VWA8: variants seen among roughly 807,000 people sequenced by gnomAD.
VWA8 encodes von Willebrand factor A domain containing 8, also known as von Willebrand factor A domain-containing protein 8.
Under a neutral mutation model 241.5 loss-of-function variants are expected in VWA8, and 221 were observed. That is an observed-to-expected ratio of 0.91 (90% CI 0.82 to 1.02). The LOEUF (loss-of-function observed/expected upper bound fraction) is 1.02, where lower values mean the gene tolerates loss of function less well. Ranked by LOEUF, VWA8 falls within the 50% of genes least tolerant of loss-of-function variation. The pLI is 0.00. For missense variants in VWA8, 2,322 were observed against 2,328.7 expected (o/e 1.00, Z 0.06); for synonymous variants, 852 against 827.1 (o/e 1.03, Z -0.52).
At chr13:41,573,609 G>C (rs56841784) in intron 43 of VWA8, among the ~76,000 whole-genome samples, 1 of 105,656 alleles carries the variant, frequency 9.5e-6, no homozygotes, top group Non-Finnish European at 1.9e-5. Context: ...CTATATATAC[G>C]CATATATATG....
chr13:41,888,194 C>G (rs1874640074), intron 5 of VWA8, among the ~76,000 whole-genome samples: 1 of 152,160 alleles, frequency 6.6e-6, no homozygotes, highest in African/African-American at 2.4e-5. Context: ...CCTGTTAAAT[C>G]TCATTTCCTT....
chr13:41,901,270 C>G (rs1875412365), intron 4 of VWA8, among the ~76,000 whole-genome samples: 1 of 152,098 alleles, frequency 6.6e-6, no homozygotes, highest in Admixed American at 6.5e-5. Flanking sequence ...AGCCACTGCA[C>G]TCAGCTCATC....
At chr13:41,779,924 C>T (rs1414069887) in intron 19 of VWA8, among the ~76,000 whole-genome samples, 1 of 152,190 alleles carries the variant, frequency 6.6e-6, no homozygotes, top group East Asian at 1.9e-4. Flanking sequence ...ACCGCCAATA[C>T]AATTCTCTTC....
At chr13:41,588,490 G>A (rs2044433524) in intron 41 of VWA8, among the ~76,000 whole-genome samples, 1 of 152,190 alleles carries the variant, frequency 6.6e-6, no homozygotes, top group African/African-American at 2.4e-5. Flanking sequence ...GGAGGCCAAG[G>A]TGGGAGAACT....
intron 12 of VWA8, among the ~76,000 whole-genome samples, chr13:41,855,433 A>G (rs1872709937): frequency 6.7e-6 from 1 of 148,504 alleles, no homozygotes; most frequent in Admixed American, 6.8e-5. Flanking sequence ...AAATAAAGCT[A>G]CTGTAGAAGA....
intron 19 of VWA8, among the ~76,000 whole-genome samples, chr13:41,781,624 C>T (rs1237405087): frequency 6.6e-6 from 1 of 152,190 alleles, no homozygotes; most frequent in East Asian, 1.9e-4. Flanking sequence ...TCTTACCCAT[C>T]TAAAACTCCT....
At chr13:41,889,437 G>A (rs1874714475) in intron 5 of VWA8, among the ~76,000 whole-genome samples, 1 of 151,328 alleles carries the variant, frequency 6.6e-6, no homozygotes, top group African/African-American at 2.4e-5. Flanking sequence ...GGAGTGCAGT[G>A]GTGCAATCCT....
intron 4 of VWA8, among the ~76,000 whole-genome samples, chr13:41,904,702 T>C (rs1394473743): frequency 6.6e-6 from 1 of 152,132 alleles, no homozygotes; most frequent in Non-Finnish European, 1.5e-5. Context: ...GTAGCCTAAA[T>C]CTTCACATAA....
At chr13:41,820,464 C>T (rs1039443316) in intron 14 of VWA8, among the ~76,000 whole-genome samples, 14 of 152,060 alleles carry the variant, frequency 9.2e-5, no homozygotes, top group Admixed American at 3.3e-4. Context: ...AAGTCCCTGA[C>T]GGCATGATCT....
chr13:41,672,332 G>C (rs1291748936), intron 36 of VWA8, among the ~76,000 whole-genome samples: 1 of 152,020 alleles, frequency 6.6e-6, no homozygotes, highest in Non-Finnish European at 1.5e-5. Context: ...GTAATTTCTA[G>C]GAAAGCAAAT....
chr13:41,868,301 C>T, intron 10 of VWA8, 45 bp downstream of exon 10: 1 of 1,604,412 alleles, frequency 6.2e-7, no homozygotes, highest in Non-Finnish European at 8.5e-7. Flanking sequence ...TAAAAACAGG[C>T]AGAATAAGGT....
rs1402616404 is a variant in VWA8, at chr13:41,664,261, A to G, written c.4611+6685T>C. Among the ~76,000 whole-genome samples the G allele has an allele frequency of 2.0e-5, 3 of 152,090 alleles. No individual in the cohort carries two copies. In the East Asian group the frequency reaches 5.8e-4, roughly 29 times the overall value. ...TCTTTAGTTTCCAATGCTGCTTTGG[A>G]GAAACCCAGTGCCATTAGGATTTCT... On this transcript the variant is annotated intron_variant, in intron 37 of 44. Transcript: ENST00000379310.
chr13:41,961,030 T>C lies in VWA8; in HGVS notation c.-15A>G, dbSNP rs1878594630. The stretch of plus-strand genomic sequence containing the variant: ...CGGGATTGCATGGCGCCGGGGGGGC[T>C]GTCGGGGACGGCGAGGGGGCTCGGG... On this transcript the variant is annotated 5_prime_UTR_variant, in exon 1 of 45. Transcript: ENST00000379310. The C allele has an allele frequency of 8.1e-6, 11 of 1,351,892 alleles. No homozygotes were observed. The highest frequency in any genetic ancestry group is 1.5e-5 in the African/African-American group (1 of 64,742). 83.7% of individuals were successfully genotyped at this position (1,351,892 alleles called of 1,614,324 possible). A position where few individuals can be genotyped will look rare whatever the true frequency, so the allele number is the denominator to read the frequency against.
chr13:41,829,970 C>T (rs943106782), intron 14 of VWA8, among the ~76,000 whole-genome samples: 11 of 152,276 alleles, frequency 7.2e-5, no homozygotes, highest in Non-Finnish European at 1.6e-4. Context: ...CGGCCGGGCA[C>T]AGTGGCTCAC....
At chr13:41,838,887 A>C (rs1424062544) in intron 12 of VWA8, among the ~76,000 whole-genome samples, 1 of 152,126 alleles carries the variant, frequency 6.6e-6, no homozygotes, top group East Asian at 1.9e-4. Context: ...TTCTTTATCC[A>C]GTCTATCATT....
intron 2 of VWA8, among the ~76,000 whole-genome samples, chr13:41,914,858 A>C (rs1260092719): frequency 2.6e-5 from 4 of 152,140 alleles, no homozygotes; most frequent in African/African-American, 9.7e-5. Flanking sequence ...GGTTTCTTTA[A>C]CTTCCTCCCA....
chr13:41,819,463 G>C, intron 14 of VWA8, 77 bp from the exon 15 acceptor site: 1 of 1,420,544 alleles, frequency 7.0e-7, no homozygotes, highest in Non-Finnish European at 9.5e-7. Context: ...TAAAGTCTAG[G>C]CAACGTTAGG....
At chr13:41,648,815 C>T (rs2044850009) in intron 37 of VWA8, among the ~76,000 whole-genome samples, 2 of 152,184 alleles carry the variant, frequency 1.3e-5, no homozygotes, top group African/African-American at 4.8e-5. Flanking sequence ...TGCTTAGAGT[C>T]TTCAGGAATA....
intron 42 of VWA8, among the ~76,000 whole-genome samples, chr13:41,577,013 G>T (rs938454592): frequency 9.2e-5 from 14 of 152,242 alleles, no homozygotes; most frequent in Non-Finnish European, 1.9e-4. Flanking sequence ...GCACCTTGGG[G>T]TGCTCACACA....
Sources: allele counts gnomAD v4.1 joint callset (sites outside exome capture counted in the v4.1 genomes callset), GRCh38; gene constraint gnomAD v4.1.1; transcripts MANE v1.5; gene names NCBI Gene and HGNC (gene_info 2026-07-23, HGNC 2026-07-21).